Variants in MACROD1 observed in about 807,000 individuals in gnomAD.
MACROD1 encodes the protein ADP-ribose glycohydrolase MACROD1.
MACROD1 carries 31 observed loss-of-function variants against 41.4 expected under a neutral mutation model. The ratio of observed to expected loss-of-function variants is 0.75; its 90% confidence interval spans 0.56 to 1.01. The LOEUF (loss-of-function observed/expected upper bound fraction) is 1.01. Among genes scored for constraint, MACROD1 ranks in the 50% least tolerant of loss-of-function variants. MACROD1 has a pLI of 0.00. For synonymous variants in MACROD1, 252 were observed against 203.4 expected, an observed-to-expected ratio of 1.24 and a Z score of -2.03; for missense variants, 473 against 460.0, an observed-to-expected ratio of 1.03 and a Z score of -0.26.
chr11:64,065,281 G>C (rs1943976270), intron 3 of MACROD1, among the ~76,000 whole-genome samples: 1 of 152,168 alleles, frequency 6.6e-6, no homozygotes, highest in Admixed American at 6.5e-5. Context: ...GCAGGATCGG[G>C]CAGGTGGCGG....
At position 64,067,787 on chromosome 11, in the gene MACROD1, C is replaced by T. The variant is rs1944032881; in HGVS notation, c.518-52506G>A. 6.6e-6 allele frequency among the ~76,000 whole-genome samples: 1 copy of T among 152,154 alleles called. No individual in the cohort carries two copies. The highest frequency in any genetic ancestry group is 1.5e-5 in the Non-Finnish European group (1 of 68,022). On this transcript the variant is annotated intron_variant, in intron 3 of 10. Transcript: ENST00000255681. The surrounding 1 kb of genome is among the most constrained non-coding windows in gnomAD (Gnocchi z 4.6). Reference sequence around the variant, plus strand: ...GTGGCCCCAGAGCTGTTTGTTTTCCCTGACTGAGGGGCGGCTGTGCCACCC... The same window carrying T: ...GTGGCCCCAGAGCTGTTTGTTTTCCTTGACTGAGGGGCGGCTGTGCCACCC...
At chr11:64,160,301 T>C (rs920567531) in intron 1 of MACROD1, among the ~76,000 whole-genome samples, 1 of 152,160 alleles carries the variant, frequency 6.6e-6, no homozygotes, top group African/African-American at 2.4e-5. Context: ...GAGGCTCTGC[T>C]CAGGCACACC....
At chr11:64,141,357 C>CG (rs1470496973) in intron 3 of MACROD1, among the ~76,000 whole-genome samples, 2 of 152,214 alleles carry the variant, frequency 1.3e-5, no homozygotes, top group Non-Finnish European at 2.9e-5. Flanking sequence ...TTCAAGTCAA[C>CG]GCACCCACAG....
intron 4 of MACROD1, among the ~76,000 whole-genome samples, chr11:64,005,944 G>T (rs923207627): frequency 6.6e-6 from 1 of 152,338 alleles, no homozygotes; most frequent in Admixed American, 6.5e-5. Flanking sequence ...GCCTGGACGG[G>T]CTGGGCACAG....
intron 3 of MACROD1, among the ~76,000 whole-genome samples, chr11:64,088,496 C>T (rs1385942943): frequency 6.6e-6 from 1 of 152,164 alleles, no homozygotes; most frequent in Non-Finnish European, 1.5e-5. Flanking sequence ...GCCTAGCCTC[C>T]CCTTCCTCAC....
At chr11:64,015,370 A>C in intron 3 of MACROD1, 89 bp from the exon 4 acceptor site, 1 of 1,305,156 alleles carries the variant, frequency 7.7e-7, no homozygotes, top group African/African-American at 1.5e-5. Flanking sequence ...TCAAGATGGG[A>C]GTGGGCTGCC....
At chr11:64,002,813 C>T (rs1395716986) in intron 4 of MACROD1, among the ~76,000 whole-genome samples, 1 of 152,184 alleles carries the variant, frequency 6.6e-6, no homozygotes, top group Non-Finnish European at 1.5e-5. Context: ...CCTGGGGTCC[C>T]ATTCAGGGGA....
At chr11:64,156,108 CAAAAAAA>C (rs781677528) in intron 1 of MACROD1, among the ~76,000 whole-genome samples, 6 of 56,930 alleles carry the variant, frequency 1.1e-4, no homozygotes, top group East Asian at 4.9e-4. Context: ...AACTCCATCT[CAAAAAAA>C]AAAAAAAAAA....
At chr11:64,022,572 A>T (rs980567391) in intron 3 of MACROD1, among the ~76,000 whole-genome samples, 1 of 152,202 alleles carries the variant, frequency 6.6e-6, no homozygotes, top group Non-Finnish European at 1.5e-5. Flanking sequence ...CGTTTAAAAC[A>T]TGTTTTAGAT....
chr11:64,007,621 T>C (rs1208145497), intron 4 of MACROD1, among the ~76,000 whole-genome samples: 1 of 152,030 alleles, frequency 6.6e-6, no homozygotes, highest in African/African-American at 2.4e-5. Context: ...TTTCCATCAG[T>C]GAAGGGACGT....
intron 3 of MACROD1, among the ~76,000 whole-genome samples, chr11:64,038,297 C>T (rs1451122631): frequency 1.3e-5 from 2 of 152,204 alleles, no homozygotes; most frequent in African/African-American, 4.8e-5. Flanking sequence ...CCTGCAGCCT[C>T]CCCTCTGGGA....
intron 3 of MACROD1, among the ~76,000 whole-genome samples, chr11:64,084,457 C>G (rs950731261): frequency 3.9e-4 from 59 of 152,332 alleles, no homozygotes; most frequent in African/African-American, 1.4e-3. Context: ...GCTGTGGAGG[C>G]AGCAGCAAAG....
intron 3 of MACROD1, among the ~76,000 whole-genome samples, chr11:64,065,997 C>T (rs142045959): frequency 7.2e-5 from 11 of 151,944 alleles, no homozygotes; most frequent in African/African-American, 2.2e-4. Flanking sequence ...TGCCAAGTGG[C>T]TATAAAGATG....
At chr11:64,074,941 C>T (rs1321570032) in intron 3 of MACROD1, among the ~76,000 whole-genome samples, 1 of 152,198 alleles carries the variant, frequency 6.6e-6, no homozygotes, top group Non-Finnish European at 1.5e-5. Context: ...CAAAAGGGGT[C>T]ACTTCCCATT....
At chr11:64,071,114 C>T (rs1033759074) in intron 3 of MACROD1, among the ~76,000 whole-genome samples, 1 of 152,116 alleles carries the variant, frequency 6.6e-6, no homozygotes, top group Non-Finnish European at 1.5e-5. Context: ...GGCTTTTTGC[C>T]TTTGTTGTCA....
chr11:64,058,162 G>A (rs1211880309), intron 3 of MACROD1, among the ~76,000 whole-genome samples: 1 of 152,246 alleles, frequency 6.6e-6, no homozygotes, highest in Non-Finnish European at 1.5e-5. Context: ...GATAGACGGT[G>A]GAATGCTGTC....
At chr11:64,116,267 C>G in intron 3 of MACROD1, 1 of 1,595,802 alleles carries the variant, frequency 6.3e-7, no homozygotes, top group Non-Finnish European at 8.5e-7. Flanking sequence ...AGCCATCCAC[C>G]ATGGTGGTGG....
At chr11:64,112,097 C>T (rs966370160) in intron 3 of MACROD1, among the ~76,000 whole-genome samples, 2 of 152,216 alleles carry the variant, frequency 1.3e-5, no homozygotes, top group Non-Finnish European at 2.9e-5. Flanking sequence ...ATCTACAGAA[C>T]GAGTCCATCA....
intron 3 of MACROD1, among the ~76,000 whole-genome samples, chr11:64,141,355 A>G (rs1191893088): frequency 6.6e-6 from 1 of 152,166 alleles, no homozygotes; most frequent in Non-Finnish European, 1.5e-5. Context: ...GATTCAAGTC[A>G]ACGCACCCAC....
Sources: allele counts gnomAD v4.1 joint callset (sites outside exome capture counted in the v4.1 genomes callset), GRCh38; gene constraint gnomAD v4.1.1; non-coding constraint Gnocchi (gnomAD v3.1); transcripts MANE v1.5; gene names NCBI Gene and HGNC (gene_info 2026-07-23, HGNC 2026-07-21).